Variants in DLC1 observed in about 807,000 individuals in gnomAD.
DLC1 encodes DLC1 Rho GTPase activating protein.
In DLC1, 54 loss-of-function variants were observed where a neutral mutation model predicts 140.3. The observed-to-expected ratio is 0.38, with a 90% CI of 0.31 to 0.48. DLC1 has a LOEUF of 0.48. Ranked by LOEUF, DLC1 falls within the 20% of genes least tolerant of loss-of-function variation. The pLI is 0.96. For missense variants in DLC1, 2,536 were observed against 1,907.0 expected (o/e 1.33, Z -6.14); for synonymous variants, 986 against 728.1 (o/e 1.35, Z -5.70).
intron 5 of DLC1, among the ~76,000 whole-genome samples, chr8:13,185,539 C>A (rs968574894): frequency 2.0e-5 from 3 of 152,060 alleles, no homozygotes; most frequent in African/African-American, 7.2e-5. Context: ...GACCTCCTGA[C>A]CTTGTGATCT....
chr8:13,299,236 TG>T (rs1357473345), intron 5 of DLC1, among the ~76,000 whole-genome samples: 1 of 151,276 alleles, frequency 6.6e-6, no homozygotes, highest in Non-Finnish European at 1.5e-5. Flanking sequence ...TGAGGCCAGG[TG>T]TTCAAGACCA....
intron 1 of DLC1, among the ~76,000 whole-genome samples, chr8:13,540,124 A>G (rs555643997): frequency 2.0e-3 from 302 of 152,324 alleles, no homozygotes; most frequent in Admixed American, 2.9e-3. Flanking sequence ...CTGATACTCT[A>G]TCAGTCCTGA....
chr8:13,313,061 T>A (rs564318035), intron 4 of DLC1, among the ~76,000 whole-genome samples: 1 of 152,316 alleles, frequency 6.6e-6, no homozygotes, highest in South Asian at 2.1e-4. Flanking sequence ...TTTGCTGGTG[T>A]GAAATGCTCC....
chr8:13,521,057 A>G lies in DLC1; in HGVS notation c.-125-20861T>C, dbSNP rs1383897947. ...AAAACGTGGTCCATATACACCATGG[A>G]ATACTTTGCAGCCATAAAAAGGAAC... On this transcript the variant is annotated intron_variant, in intron 1 of 1. Coordinates refer to the DLC1 transcript ENST00000631382. 2.0e-5 allele frequency among the ~76,000 whole-genome samples: 3 copies of G among 152,212 alleles called. No homozygotes were observed. In the East Asian group the frequency reaches 5.8e-4, roughly 29 times the overall value.
At chr8:13,453,475 TATATGTATATATATAC>T (rs1563360412) in intron 2 of DLC1, among the ~76,000 whole-genome samples, 8 of 38,332 alleles carry the variant, frequency 2.1e-4, no homozygotes, top group Admixed American at 9.8e-4. Flanking sequence ...TATATACATA[TATATGTATATATATAC>T]ATATATATAT....
At chr8:13,174,904 T>A (rs1204882233) in intron 5 of DLC1, among the ~76,000 whole-genome samples, 1 of 152,156 alleles carries the variant, frequency 6.6e-6, no homozygotes, top group Non-Finnish European at 1.5e-5. Context: ...TGCAATTGAT[T>A]TTGAGGACTT....
chr8:13,256,759 A>T (rs1403698544), intron 5 of DLC1, among the ~76,000 whole-genome samples: 42 of 151,962 alleles, frequency 2.8e-4, no homozygotes, highest in Admixed American at 2.6e-3. Flanking sequence ...CATTAAGACA[A>T]ATACCTAAGG....
intron 4 of DLC1, among the ~76,000 whole-genome samples, chr8:13,343,212 C>T (rs1834158150): frequency 6.6e-6 from 1 of 152,172 alleles, no homozygotes; most frequent in Non-Finnish European, 1.5e-5. Flanking sequence ...GAGATTGGGT[C>T]ATCCATGAAT....
rs1341216694 is a variant in DLC1 at position 13,579,341 on chromosome 8, ATATATATATATATATATATATTTT to A, written c.-126+25172_-126+25195del. Among the ~76,000 whole-genome samples, 3 of 27,138 alleles carry A rather than the reference ATATATATATATATATATATATTTT, an allele frequency of 1.1e-4. 1 individual carries two copies. Among genetic ancestry groups the A allele is most frequent in the African/African-American group, 4.5e-4 (3 of 6,676 alleles). The allele number at this position is 27,138 out of a possible 152,430, so 17.8% of individuals were successfully genotyped here. On this transcript the variant is annotated intron_variant, in intron 1 of 1. Coordinates refer to the DLC1 transcript ENST00000631382. ...TATATATATATATATATATATATAT[ATATATATATATATATATATATTTT>A]TATATAATACATATTTATATATTAT...
chr8:13,216,342 C>G (rs1207796789), intron 5 of DLC1, among the ~76,000 whole-genome samples: 2 of 152,162 alleles, frequency 1.3e-5, no homozygotes, highest in East Asian at 1.9e-4. Context: ...ATGATTTGTT[C>G]AAAGCCACCC....
rs1429716150 is a variant in DLC1, at chr8:13,345,407, A to C, written c.1315-40105T>G. On this transcript the variant is annotated intron_variant, in intron 4 of 17. Coordinates refer to ENST00000276297, the MANE Select transcript of DLC1 (RefSeq NM_182643.3). The stretch of plus-strand genomic sequence containing the variant: ...TGATTCTCCTTGAATCAATAGATAA[A>C]GGTTACCTGGGAGTGGCAATGAGGG... 2.0e-5 allele frequency among the ~76,000 whole-genome samples: 3 copies of C among 151,962 alleles called. No individual in the cohort carries two copies. The East Asian group carries it at 5.8e-4, about 29-fold the overall frequency.
chr8:13,425,537 G>C (rs1034816410), intron 2 of DLC1, among the ~76,000 whole-genome samples: 3 of 152,150 alleles, frequency 2.0e-5, no homozygotes, highest in Non-Finnish European at 4.4e-5. Context: ...AGAAATCCCT[G>C]GGAGGCAGAG....
At chr8:13,494,835 C>A (rs1585202353) in intron 2 of DLC1, among the ~76,000 whole-genome samples, 1 of 152,050 alleles carries the variant, frequency 6.6e-6, no homozygotes, top group South Asian at 2.1e-4. Context: ...CCTGTAATCT[C>A]AGCTACTAAG....
intron 5 of DLC1, among the ~76,000 whole-genome samples, chr8:13,154,548 G>A (rs954990913): frequency 9.2e-5 from 14 of 152,324 alleles, no homozygotes; most frequent in Admixed American, 7.2e-4. Context: ...ACGAGTGCCA[G>A]TGCGCAGCCC....
intron 5 of DLC1, among the ~76,000 whole-genome samples, chr8:13,253,703 G>T (rs1049712423): frequency 2.0e-5 from 3 of 152,176 alleles, no homozygotes; most frequent in Non-Finnish European, 4.4e-5. Flanking sequence ...GCTTTCCCCA[G>T]GCTGCACATC....
chr8:13,256,791 A>G (rs1189367517), intron 5 of DLC1, among the ~76,000 whole-genome samples: 2 of 150,648 alleles, frequency 1.3e-5, no homozygotes, highest in African/African-American at 4.9e-5. Context: ...TAAACCCTAG[A>G]TGATGGGTTG....
intron 1 of DLC1, among the ~76,000 whole-genome samples, chr8:13,586,114 C>G (rs1341976149): frequency 6.6e-6 from 1 of 152,114 alleles, no homozygotes; most frequent in Non-Finnish European, 1.5e-5. Context: ...TGGGCTCTCT[C>G]TGCTAATTGT....
intron 2 of DLC1, among the ~76,000 whole-genome samples, chr8:13,474,622 G>A (rs1271162018): frequency 2.0e-5 from 3 of 152,320 alleles, no homozygotes; most frequent in East Asian, 3.9e-4. Flanking sequence ...AACCTGCAAA[G>A]CCACATGGGC....
chr8:13,396,995 A>G (rs1206480862), intron 3 of DLC1, among the ~76,000 whole-genome samples: 1 of 146,634 alleles, frequency 6.8e-6, no homozygotes, highest in Non-Finnish European at 1.5e-5. Context: ...ATCTTCCTGC[A>G]AGACTCCATC....
Sources: allele counts gnomAD v4.1 joint callset (sites outside exome capture counted in the v4.1 genomes callset), GRCh38; gene constraint gnomAD v4.1.1; transcripts MANE v1.5; gene names NCBI Gene and HGNC (gene_info 2026-07-23, HGNC 2026-07-21).